The following CLCN5 variants were observed in gnomAD, a reference collection of about 807,000 sequenced individuals.
CLCN5 encodes Cl-/H+ antiporter 5.
Under a neutral mutation model 54.0 loss-of-function variants are expected in CLCN5, and 17 were observed. That is an observed-to-expected ratio of 0.31 (90% confidence interval 0.22 to 0.47). The LOEUF is 0.47. CLCN5 is among the 20% of genes least tolerant of loss of function. The pLI, the probability that CLCN5 is intolerant of heterozygous loss-of-function variation, is 1.00. For synonymous variants in CLCN5, 222 were observed against 233.0 expected, an observed-to-expected ratio of 0.95 and a Z score of 0.43; for missense variants, 448 against 646.7, an observed-to-expected ratio of 0.69 and a Z score of 3.33.
chrX:49,947,604 A>G (rs1557172354), intron 3 of CLCN5, among the ~76,000 whole-genome samples: 1 of 111,783 alleles, frequency 8.9e-6, no homozygotes, highest in African/African-American at 3.3e-5. Context: ...ATCCAGCCTC[A>G]GAGGAAAAGC....
intron 3 of CLCN5, among the ~76,000 whole-genome samples, chrX:50,010,120 C>T (rs1432878443): frequency 1.8e-5 from 2 of 111,868 alleles, no homozygotes; most frequent in Admixed American, 1.9e-4. Context: ...TCTTCTCATT[C>T]CTGCTGTCAC....
At chrX:50,042,859 G>A (rs1052245138) in intron 4 of CLCN5, among the ~76,000 whole-genome samples, 1 of 111,930 alleles carries the variant, frequency 8.9e-6, no homozygotes, top group Admixed American at 9.5e-5. Context: ...ATACCCAGGA[G>A]TAGGATCACT....
chrX:50,066,205 A>G (rs1361910282), intron 4 of CLCN5, among the ~76,000 whole-genome samples: 1 of 106,616 alleles, frequency 9.4e-6, no homozygotes, highest in Non-Finnish European at 1.9e-5. Flanking sequence ...TCCAGAGCAA[A>G]AAAAAAAAAA....
intron 3 of CLCN5, among the ~76,000 whole-genome samples, chrX:49,983,077 A>G (rs782743968): frequency 8.9e-6 from 1 of 112,199 alleles, no homozygotes; most frequent in South Asian, 3.7e-4. Flanking sequence ...CACTCAAAAC[A>G]AATGATCAGT....
intron 4 of CLCN5, among the ~76,000 whole-genome samples, chrX:50,066,163 TAA>T (rs11393952): frequency 2.9e-4 from 13 of 45,194 alleles, no homozygotes; most frequent in Admixed American, 1.4e-3. Flanking sequence ...AAAGTATAAT[TAA>T]AAAAAAAAAA....
chrX:49,935,668 G>C (rs781913500), intron 3 of CLCN5, among the ~76,000 whole-genome samples: 3 of 111,849 alleles, frequency 2.7e-5, no homozygotes, highest in Non-Finnish European at 5.6e-5. Context: ...ATGAGGAGGA[G>C]TTATCCACGC....
chrX:50,046,122 A>C (rs922847639), intron 4 of CLCN5, among the ~76,000 whole-genome samples: 2 of 112,423 alleles, frequency 1.8e-5, no homozygotes, highest in African/African-American at 6.5e-5. Flanking sequence ...ATTAGAAGAA[A>C]CATAAACATA....
chrX:50,093,963 T>G lies in CLCN5; in HGVS notation c.*1744T>G, dbSNP rs1233161528. ...TTCAGCCTGGATGATTTTATAGCTC[T>G]GTTCCTAGCACTTCTCATCATCCTT... is the stretch of plus-strand genomic sequence containing the variant. On this transcript the variant is annotated 3_prime_UTR_variant, in exon 15 of 15. Transcript: ENST00000376091. 9.0e-6 allele frequency: 1 copy of G among 110,979 alleles called. No individual in the cohort carries two copies. The highest frequency in any genetic ancestry group is 1.9e-5 in the Non-Finnish European group (1 of 53,011). The allele number at this position is 110,979 out of a possible 1,213,427, so 9.1% of individuals were successfully genotyped here. A position where few individuals can be genotyped will look rare whatever the true frequency, so the allele number is the denominator to read the frequency against.
At chrX:50,004,714 A>G (rs1453254333) in intron 3 of CLCN5, among the ~76,000 whole-genome samples, 3 of 111,463 alleles carry the variant, frequency 2.7e-5, no homozygotes, top group Non-Finnish European at 3.8e-5. Flanking sequence ...ATTCAAGACC[A>G]GCCTGGCCAA....
chrX:50,067,942 A>G (rs2063184935), intron 4 of CLCN5: 1 of 115,030 alleles, frequency 8.7e-6, no homozygotes, highest in African/African-American at 3.2e-5. Context: ...CATGTTACCT[A>G]GTGATGTAAT....
intron 4 of CLCN5, chrX:50,067,664 GCTT>G (rs1241842493): frequency 1.3e-6 from 1 of 751,694 alleles, no homozygotes; most frequent in Non-Finnish European, 1.6e-6. Context: ...TCAGACTGGG[GCTT>G]CTTTTGTAAA....
intron 4 of CLCN5, among the ~76,000 whole-genome samples, chrX:50,049,842 A>G (rs1557188146): frequency 8.9e-6 from 1 of 112,023 alleles, no homozygotes; most frequent in African/African-American, 3.2e-5. Context: ...TCCCCTGTGC[A>G]TTACCTATTC....
intron 9 of CLCN5, among the ~76,000 whole-genome samples, chrX:50,085,101 C>G (rs1044028403): frequency 4.5e-5 from 5 of 111,865 alleles, no homozygotes; most frequent in African/African-American, 1.6e-4. Context: ...GCTTATTTTG[C>G]CAAGGACCTT....
At chrX:50,046,441 G>A (rs1557187762) in intron 4 of CLCN5, among the ~76,000 whole-genome samples, 1 of 111,752 alleles carries the variant, frequency 8.9e-6, no homozygotes, top group Admixed American at 9.5e-5. Context: ...TTCCTGGCAG[G>A]GAGAGCAACA....
At chrX:49,984,528 G>A (rs1431734250) in intron 3 of CLCN5, among the ~76,000 whole-genome samples, 1 of 111,474 alleles carries the variant, frequency 9.0e-6, no homozygotes, top group Non-Finnish European at 1.9e-5. Context: ...TTCTTTTGAA[G>A]TTTGTTGATA....
At chrX:50,077,735 G>GAGGCT (rs1933486816) in intron 7 of CLCN5, among the ~76,000 whole-genome samples, 1 of 91,140 alleles carries the variant, frequency 1.1e-5, no homozygotes. Context: ...CAGCACTTTG[G>GAGGCT]GAGGCCAAGG....
intron 3 of CLCN5, among the ~76,000 whole-genome samples, chrX:50,029,076 G>A (rs985773654): frequency 8.0e-5 from 9 of 112,158 alleles, no homozygotes; most frequent in Admixed American, 9.4e-5. Context: ...TTACTAAAAA[G>A]TGAGTATTTC....
intron 3 of CLCN5, among the ~76,000 whole-genome samples, chrX:49,964,011 G>C (rs923094821): frequency 8.9e-6 from 1 of 111,931 alleles, no homozygotes; most frequent in Non-Finnish European, 1.9e-5. Flanking sequence ...ACAATATTAA[G>C]TATGGTACAG....
At position 50,042,364 on chromosome X, in the gene CLCN5, A is replaced by G. The variant is rs991814636; in HGVS notation, c.65A>G (p.Gln22Arg). The change falls in exon 4 of 15, where the codon CAG becomes CGG. Residue 22 changes from glutamine (Q) to arginine (R), a missense_variant. Transcript: ENST00000376091. The stretch of plus-strand genomic sequence containing the variant: ...CAGCAGGGGAGTTTTAGTAGCTTCC[A>G]GAACAGCTCCAGTGATGAAGACCTG... ...GFQQGSFSSF[Q>R]NSSSDEDLMD... is the part of the protein sequence containing the mutation. 3 of 1,177,053 alleles carry G rather than the reference A, an allele frequency of 2.5e-6. No individual in the cohort carries two copies. The African/African-American group carries it at 5.3e-5, about 21-fold the overall frequency.
Sources: allele counts gnomAD v4.1 joint callset (sites outside exome capture counted in the v4.1 genomes callset), GRCh38; gene constraint gnomAD v4.1.1; transcripts MANE v1.5; gene names NCBI Gene and HGNC (gene_info 2026-07-23, HGNC 2026-07-21).